The following ALDH18A1 variants were observed in gnomAD, a reference collection of about 807,000 sequenced individuals.
The protein encoded by ALDH18A1 is delta-1-pyrroline-5-carboxylate synthase.
ALDH18A1 carries 44 observed loss-of-function variants against 88.8 expected under a neutral mutation model. The observed-to-expected ratio is 0.50, with a 90% CI of 0.39 to 0.64. The LOEUF (loss-of-function observed/expected upper bound fraction) is 0.64, where lower values mean the gene tolerates loss of function less well. Ranked by LOEUF, ALDH18A1 falls within the 30% of genes least tolerant of loss-of-function variation. The pLI is 0.00. For synonymous variants in ALDH18A1, 331 were observed against 372.1 expected, an observed-to-expected ratio of 0.89 and a Z score of 1.27; for missense variants, 782 against 1,009.5, an observed-to-expected ratio of 0.77 and a Z score of 3.05.
intron 16 of ALDH18A1, among the ~76,000 whole-genome samples, chr10:95,610,644 G>A (rs1270684788): frequency 1.3e-5 from 2 of 152,206 alleles, no homozygotes; most frequent in African/African-American, 2.4e-5. Flanking sequence ...AACTCTCTGT[G>A]TCTGGGTCAA....
At chr10:95,613,357 A>G (rs1032272064) in intron 15 of ALDH18A1, among the ~76,000 whole-genome samples, 8 of 152,236 alleles carry the variant, frequency 5.3e-5, no homozygotes, top group Non-Finnish European at 8.8e-5. Flanking sequence ...GTGAATGTAC[A>G]TAAGTTTTTG....
At position 95,631,783 on chromosome 10, in the gene ALDH18A1, T is replaced by C. The variant is rs2097870356; in HGVS notation, c.808+1176A>G. On this transcript the variant is annotated intron_variant, in intron 7 of 17. Transcript: ENST00000371224. ...AAAAAAAACAACTGAATAACAGCAA[T>C]GATGTAAACACATTAGAACCTTCAT... Among the ~76,000 whole-genome samples the C allele has an allele frequency of 2.2e-5, 3 of 138,496 alleles. No homozygotes were observed. In the South Asian group the frequency reaches 7.0e-4, roughly 32 times the overall value. 90.9% of individuals were successfully genotyped at this position (138,496 alleles called of 152,430 possible). A position where few individuals can be genotyped will look rare whatever the true frequency, so the allele number is the denominator to read the frequency against.
At chr10:95,643,707 A>C (rs905836986) in intron 2 of ALDH18A1, among the ~76,000 whole-genome samples, 1 of 152,238 alleles carries the variant, frequency 6.6e-6, no homozygotes, top group East Asian at 1.9e-4. Context: ...TTAATATTTT[A>C]TCTCTTGATA....
chr10:95,625,848 C>T (rs2097859666), intron 10 of ALDH18A1, among the ~76,000 whole-genome samples: 1 of 151,990 alleles, frequency 6.6e-6, no homozygotes, highest in Admixed American at 6.6e-5. Flanking sequence ...GGGGCCAGTA[C>T]TTTGAATTAA....
At chr10:95,650,448 T>C (rs1258143603) in intron 2 of ALDH18A1, among the ~76,000 whole-genome samples, 1 of 152,188 alleles carries the variant, frequency 6.6e-6, no homozygotes, top group Non-Finnish European at 1.5e-5. Flanking sequence ...AGTGTTTGAA[T>C]TACGGGGGCA....
At chr10:95,655,797 A>G (rs2097917173) in intron 1 of ALDH18A1, among the ~76,000 whole-genome samples, 1 of 152,136 alleles carries the variant, frequency 6.6e-6, no homozygotes, top group Non-Finnish European at 1.5e-5. Flanking sequence ...GAAAGTTTTC[A>G]CGTTTTGACT....
chr10:95,609,245 G>A (rs894256342), intron 17 of ALDH18A1, among the ~76,000 whole-genome samples: 1 of 152,216 alleles, frequency 6.6e-6, no homozygotes, highest in African/African-American at 2.4e-5. Context: ...CAGAGGGCTG[G>A]AAATTTTATA....
intron 2 of ALDH18A1, among the ~76,000 whole-genome samples, chr10:95,651,041 G>C (rs555609745): frequency 1.3e-5 from 2 of 152,086 alleles, no homozygotes; most frequent in African/African-American, 4.8e-5. Flanking sequence ...ACTGAGGCAG[G>C]AGAATCGCTT....
chr10:95,609,662 G>T lies in ALDH18A1; in HGVS notation c.2206+535C>A, dbSNP rs186684910. Among the ~76,000 whole-genome samples the T allele has an allele frequency of 8.5e-5, 13 of 152,052 alleles. No homozygotes were observed. In the South Asian group the frequency reaches 1.5e-3, roughly 17 times the overall value. On this transcript the variant is annotated intron_variant, in intron 17 of 17. Transcript: ENST00000371224. ...CTTTGAAAAATGAATACAAGTACCT[G>T]CCTTCTTAGCATGTGAAATGCTTAG...
intron 2 of ALDH18A1, among the ~76,000 whole-genome samples, chr10:95,645,460 C>T (rs971007863): frequency 6.6e-6 from 1 of 152,060 alleles, no homozygotes; most frequent in Non-Finnish European, 1.5e-5. Context: ...ATCTCCTGGC[C>T]GCTAACTCAC....
chr10:95,652,766 T>C (rs1645883517), intron 2 of ALDH18A1, among the ~76,000 whole-genome samples: 1 of 150,882 alleles, frequency 6.6e-6, no homozygotes, highest in South Asian at 2.1e-4. Flanking sequence ...TATTTGGGGG[T>C]CAACTTTATT....
chr10:95,616,821 G>GCT (rs2097845021), intron 12 of ALDH18A1: 1 of 677,254 alleles, frequency 1.5e-6, no homozygotes, highest in Non-Finnish European at 2.5e-6. Context: ...GCCCAGAGAG[G>GCT]CTGATGACTC....
intron 5 of ALDH18A1, among the ~76,000 whole-genome samples, chr10:95,634,976 T>C (rs2139614710): frequency 6.6e-6 from 1 of 152,262 alleles, no homozygotes; most frequent in Middle Eastern, 3.4e-3. Context: ...GGTCTGGCTA[T>C]GGTAACTGAG....
intron 12 of ALDH18A1, 185 bp from the exon 13 acceptor site, chr10:95,616,799 A>C: frequency 1.3e-6 from 1 of 778,460 alleles, no homozygotes. Flanking sequence ...CTTTACAGAT[A>C]AGGGCACTGA....
At chr10:95,652,652 T>C (rs945717053) in intron 2 of ALDH18A1, among the ~76,000 whole-genome samples, 2 of 152,064 alleles carry the variant, frequency 1.3e-5, no homozygotes, top group South Asian at 2.1e-4. Flanking sequence ...GGAGAATCGC[T>C]TGAACCTGGG....
chr10:95,647,883 G>A (rs1157013763), intron 2 of ALDH18A1, among the ~76,000 whole-genome samples: 2 of 152,256 alleles, frequency 1.3e-5, no homozygotes, highest in East Asian at 1.9e-4. Context: ...AACATGTGGA[G>A]GTTCCTGGAG....
At position 95,606,405 on chromosome 10, in the gene ALDH18A1, C is replaced by T. The variant is rs2097822750; in HGVS notation, c.*357G>A. 1 of 1,136,982 alleles carries T rather than the reference C, an allele frequency of 8.8e-7. No homozygotes were observed. Among genetic ancestry groups the T allele is most frequent in the Non-Finnish European group, 1.1e-6 (1 of 921,322 alleles). 70.4% of individuals were successfully genotyped at this position (1,136,982 alleles called of 1,614,324 possible). On this transcript the variant is annotated 3_prime_UTR_variant, in exon 18 of 18. Transcript: ENST00000371224. ...TTGTTAAGGATGACTGGCTCTAGTA[C>T]CAACTAAATGCCAAGGGGGACTGTA...
At chr10:95,633,768 TAGA>T in intron 5 of ALDH18A1, 119 bp from the exon 6 acceptor site, 3 of 871,366 alleles carry the variant, frequency 3.4e-6, no homozygotes, top group South Asian at 1.5e-5. Context: ...CCACACAGAT[TAGA>T]AGATTAGAAT....
intron 16 of ALDH18A1, among the ~76,000 whole-genome samples, chr10:95,610,528 A>C (rs972734301): frequency 2.0e-5 from 3 of 152,206 alleles, no homozygotes; most frequent in African/African-American, 7.2e-5. Flanking sequence ...TCTCCCATGC[A>C]GGTGACCTGC....
Sources: gnomAD v4.1 joint callset for allele counts (sites outside exome capture counted in the v4.1 genomes callset) on GRCh38, gnomAD v4.1.1 for gene constraint, MANE v1.5 for transcripts, NCBI Gene and HGNC (gene_info 2026-07-23, HGNC 2026-07-21) for gene names.